Variants in BAZ1A observed in about 807,000 individuals in gnomAD.
The protein encoded by BAZ1A is bromodomain adjacent to zinc finger domain protein 1A.
BAZ1A carries 50 observed loss-of-function variants against 185.2 expected under a neutral mutation model. The ratio of observed to expected loss-of-function variants is 0.27; its 90% CI spans 0.22 to 0.34. BAZ1A has a LOEUF of 0.34. Among genes scored for constraint, BAZ1A ranks in the 10% least tolerant of loss-of-function variants. The pLI is 1.00. For missense variants in BAZ1A, 1,356 were observed against 1,839.9 expected (o/e 0.74, Z 4.81); for synonymous variants, 571 against 615.6 (o/e 0.93, Z 1.07).
intron 4 of BAZ1A, among the ~76,000 whole-genome samples, chr14:34,823,034 A>G (rs555807558): frequency 2.0e-5 from 3 of 152,278 alleles, no homozygotes; most frequent in Admixed American, 2.0e-4. Context: ...CACAGCACCT[A>G]AAAGAATTAG....
At chr14:34,758,350 G>A (rs1308259138) in intron 25 of BAZ1A, among the ~76,000 whole-genome samples, 1 of 151,528 alleles carries the variant, frequency 6.6e-6, no homozygotes, top group Non-Finnish European at 1.5e-5. Context: ...GGGGGGCCGA[G>A]GTGGGCAGAT....
chr14:34,813,742 T>C (rs2041964061), intron 4 of BAZ1A, among the ~76,000 whole-genome samples: 1 of 151,270 alleles, frequency 6.6e-6, no homozygotes, highest in South Asian at 2.1e-4. Flanking sequence ...ACAAGAGTTC[T>C]CAGTAACAAA....
chr14:34,780,211 T>G lies in BAZ1A; in HGVS notation c.2211A>C (p.Pro737=), dbSNP rs765848099. The G allele has an allele frequency of 1.2e-6, 2 of 1,613,568 alleles. No individual in the cohort carries two copies. Among genetic ancestry groups the G allele is most frequent in the Non-Finnish European group, 1.7e-6 (2 of 1,179,834 alleles). ...QDMVTEDEDD[P]GSHKRGRRGK... ...CCCTTCTGCCTCTTTTATGTGATCCTGGGTCATCTTCATCTTCAGTGACCA... is the reference window on the plus strand; with the variant it reads ...CCCTTCTGCCTCTTTTATGTGATCCGGGGTCATCTTCATCTTCAGTGACCA... The change falls in exon 17 of 27, where the codon CCA becomes CCC. Residue 737 remains proline, a synonymous_variant. Coordinates refer to ENST00000360310, the MANE Select transcript of BAZ1A (RefSeq NM_013448.3).
chr14:34,865,701 C>G (rs1361849201), intron 2 of BAZ1A, among the ~76,000 whole-genome samples: 2 of 151,980 alleles, frequency 1.3e-5, no homozygotes, highest in African/African-American at 4.8e-5. Flanking sequence ...CAAAGAAGAT[C>G]CTTTTGAACT....
intron 2 of BAZ1A, among the ~76,000 whole-genome samples, chr14:34,863,258 A>G (rs1348767262): frequency 7.4e-6 from 1 of 134,412 alleles, no homozygotes; most frequent in Non-Finnish European, 1.5e-5. Context: ...TCTGCCTCCC[A>G]GGTTCAAGGA....
chr14:34,771,337 G>A lies in BAZ1A; in HGVS notation c.3301+174C>T, dbSNP rs569700552. 63 of 672,648 alleles carry A rather than the reference G, an allele frequency of 9.4e-5. No homozygotes were observed. The East Asian group carries it at 1.6e-3, about 17-fold the overall frequency. The allele number at this position is 672,648 out of a possible 1,614,324, so 41.7% of individuals were successfully genotyped here. ...TTGATGAAACTCTTCACAAAAGACTGTATTATTCTAAAAATAAATCTCACC... is the reference window on the plus strand; with the variant it reads ...TTGATGAAACTCTTCACAAAAGACTATATTATTCTAAAAATAAATCTCACC... On this transcript the variant is annotated intron_variant, in intron 21 of 26. Coordinates refer to ENST00000360310, the MANE Select transcript of BAZ1A (RefSeq NM_013448.3).
At chr14:34,799,660 G>A (rs1158141575) in intron 9 of BAZ1A, among the ~76,000 whole-genome samples, 1 of 151,540 alleles carries the variant, frequency 6.6e-6, no homozygotes, top group Admixed American at 6.6e-5. Context: ...TGCCCAGGCT[G>A]GCGTGCAGTG....
rs1398323330 is a variant in BAZ1A, at chr14:34,842,428, A to G, written c.393-16272T>C. On this transcript the variant is annotated intron_variant, in intron 3 of 26. Transcript: ENST00000360310. ...AGTAAAATAATGAAGATACCCTTTG[A>G]TTAGTACAATGGTTAAGAATTTAAG... Among the ~76,000 whole-genome samples, 4 of 152,210 alleles carry G rather than the reference A, an allele frequency of 2.6e-5. No homozygotes were observed. The South Asian group carries it at 6.2e-4, about 24-fold the overall frequency.
chr14:34,779,792 G>A (rs1217714171), intron 17 of BAZ1A, among the ~76,000 whole-genome samples: 4 of 152,076 alleles, frequency 2.6e-5, no homozygotes, highest in Non-Finnish European at 4.4e-5. Flanking sequence ...TAGCACATAG[G>A]AGGCATCCAA....
chr14:34,788,080 G>T (rs1027527029), intron 12 of BAZ1A, among the ~76,000 whole-genome samples: 2 of 151,464 alleles, frequency 1.3e-5, no homozygotes, highest in Non-Finnish European at 2.9e-5. Flanking sequence ...GTGCAGTGGC[G>T]CAGTCTTGGC....
chr14:34,857,195 A>G (rs1386533838), intron 3 of BAZ1A, among the ~76,000 whole-genome samples: 1 of 151,818 alleles, frequency 6.6e-6, no homozygotes, highest in Non-Finnish European at 1.5e-5. Context: ...TTTAGTAGAG[A>G]TGGGGTTTCA....
chr14:34,758,967 G>T (rs1886390962), intron 24 of BAZ1A, 121 bp from the exon 25 acceptor site: 1 of 919,580 alleles, frequency 1.1e-6, no homozygotes, highest in Non-Finnish European at 1.6e-6. Flanking sequence ...ACACTGAGAT[G>T]TTAACTATTT....
intron 16 of BAZ1A, among the ~76,000 whole-genome samples, chr14:34,782,045 G>A (rs1880073248): frequency 6.6e-6 from 1 of 152,124 alleles, no homozygotes; most frequent in South Asian, 2.1e-4. Context: ...AATTCTCTTA[G>A]GTATATATCT....
At chr14:34,765,685 C>T (rs1467369552) in intron 21 of BAZ1A, among the ~76,000 whole-genome samples, 1 of 152,140 alleles carries the variant, frequency 6.6e-6, no homozygotes, top group Non-Finnish European at 1.5e-5. Flanking sequence ...CTTAAATTAT[C>T]TTCTAAGAAA....
intron 12 of BAZ1A, among the ~76,000 whole-genome samples, chr14:34,788,431 G>C (rs1366432792): frequency 1.3e-5 from 2 of 152,162 alleles, no homozygotes; most frequent in Admixed American, 1.3e-4. Context: ...GGCCTCCCCA[G>C]TAGCTGGGAC....
intron 7 of BAZ1A, 99 bp downstream of exon 7, chr14:34,802,755 C>G: frequency 7.7e-7 from 1 of 1,305,598 alleles, no homozygotes; most frequent in Non-Finnish European, 1.0e-6. Context: ...GAGTTTCTTC[C>G]TCTAGGCTAT....
Position 34,783,939 on chromosome 14 carries a change from T to C in BAZ1A, c.1832-12A>G. ...CTTCATTTTTTCTCCTGTCAAAAAT[T>C]GGTAAATACTTCTGTATTATAAATC... On this transcript the variant is annotated splice_polypyrimidine_tract_variant and intron_variant, in intron 14 of 26. Coordinates refer to ENST00000360310, the MANE Select transcript of BAZ1A (RefSeq NM_013448.3). The C allele has an allele frequency of 6.3e-7, 1 of 1,579,216 alleles. No homozygotes were observed. The highest frequency in any genetic ancestry group is 8.6e-7 in the Non-Finnish European group (1 of 1,167,328).
At chr14:34,764,633 C>A (rs751325668) in intron 23 of BAZ1A, 74 bp downstream of exon 23, 6 of 1,525,962 alleles carry the variant, frequency 3.9e-6, no homozygotes, top group Non-Finnish European at 5.3e-6. Flanking sequence ...CTAACTATTC[C>A]ATTTGTATTT....
intron 3 of BAZ1A, among the ~76,000 whole-genome samples, chr14:34,839,459 A>T (rs927002580): frequency 6.6e-6 from 1 of 150,772 alleles, no homozygotes; most frequent in African/African-American, 2.4e-5. Context: ...GGATGGCTTT[A>T]GCCCAGAAGG....
Sources: gnomAD v4.1 joint callset for allele counts (sites outside exome capture counted in the v4.1 genomes callset) on GRCh38, gnomAD v4.1.1 for gene constraint, MANE v1.5 for transcripts, NCBI Gene and HGNC (gene_info 2026-07-23, HGNC 2026-07-21) for gene names.